Variants in NXPE4 observed in about 807,000 individuals in gnomAD.
The protein encoded by NXPE4 is neurexophilin and PC-esterase domain family member 4.
In NXPE4, 42 loss-of-function variants were observed where a neutral mutation model predicts 33.3. That is an observed-to-expected ratio of 1.26 (90% CI 0.98 to 1.63). NXPE4 has a LOEUF of 1.63. Among genes scored for constraint, NXPE4 ranks in the 40% most tolerant of loss-of-function variants. The pLI is 0.00. For missense variants in NXPE4, 709 were observed against 647.6 expected (o/e 1.09, Z -1.03); for synonymous variants, 253 against 234.9 (o/e 1.08, Z -0.71).
the NXPE4 span, among the ~76,000 whole-genome samples, chr11:114,625,594 T>C: frequency 2.6e-5 from 4 of 152,004 alleles, no homozygotes; most frequent in African/African-American, 9.7e-5. Context: ...ACCACTGTTA[T>C]CTGGTGGATA....
the NXPE4 span, among the ~76,000 whole-genome samples, chr11:114,639,825 T>TATATATTATATTAAATATAAAATATA: frequency 1.7e-5 from 2 of 116,824 alleles, no homozygotes; most frequent in African/African-American, 3.5e-5. Flanking sequence ...TAAAATATAA[T>TATATATTATATTAAATATAAAATATA]ATATATTATA....
At chr11:114,667,653 C>T in the NXPE4 span, among the ~76,000 whole-genome samples, 15 of 152,214 alleles carry the variant, frequency 9.9e-5, no homozygotes, top group South Asian at 6.2e-4. Flanking sequence ...ATCATGAGTA[C>T]GCTCAACAGT....
At chr11:114,674,842 G>A in the NXPE4 span, among the ~76,000 whole-genome samples, 3 of 151,598 alleles carry the variant, frequency 2.0e-5, no homozygotes, top group Non-Finnish European at 4.4e-5. Flanking sequence ...AGACAAGGAC[G>A]CTAGGAGAAA....
At chr11:114,581,332 G>A (rs1179246389) in intron 4 of NXPE4, among the ~76,000 whole-genome samples, 2 of 152,182 alleles carry the variant, frequency 1.3e-5, no homozygotes, top group East Asian at 3.9e-4. Context: ...CACTCAGATG[G>A]CAGGTTGGAA....
At chr11:114,594,840 C>G (rs866007174) in intron 1 of NXPE4, 71 bp from the exon 2 acceptor site, 1 of 828,158 alleles carries the variant, frequency 1.2e-6, no homozygotes, top group African/African-American at 1.7e-5. Context: ...ACATGGGAAA[C>G]ATTTGAAATT....
At chr11:114,675,746 T>C in the NXPE4 span, among the ~76,000 whole-genome samples, 1 of 151,860 alleles carries the variant, frequency 6.6e-6, no homozygotes, top group African/African-American at 2.4e-5. Flanking sequence ...ATAAAAGTAA[T>C]AATTCTGAAA....
chr11:114,672,408 G>A, the NXPE4 span, among the ~76,000 whole-genome samples: 1 of 151,540 alleles, frequency 6.6e-6, no homozygotes, highest in African/African-American at 2.4e-5. Context: ...AATCAGTAAA[G>A]GAAGAACAGA....
the NXPE4 span, among the ~76,000 whole-genome samples, chr11:114,623,095 G>T: frequency 3.3e-5 from 5 of 151,834 alleles, no homozygotes; most frequent in Non-Finnish European, 4.4e-5. Flanking sequence ...GATAATTAGC[G>T]TTGCCTGGCG....
intron 5 of NXPE4, among the ~76,000 whole-genome samples, chr11:114,576,811 A>G (rs1390071452): frequency 1.3e-5 from 2 of 151,824 alleles, no homozygotes; most frequent in African/African-American, 4.8e-5. Flanking sequence ...CAGATCTACC[A>G]TTTGATCCAG....
chr11:114,633,929 G>T, the NXPE4 span, among the ~76,000 whole-genome samples: 1 of 151,994 alleles, frequency 6.6e-6, no homozygotes, highest in African/African-American at 2.4e-5. Context: ...ACATATGTGT[G>T]CATGTGTCTT....
At chr11:114,613,755 G>A in the NXPE4 span, among the ~76,000 whole-genome samples, 1 of 151,918 alleles carries the variant, frequency 6.6e-6, no homozygotes, top group African/African-American at 2.4e-5. Flanking sequence ...GTTACCCGGT[G>A]GATAATAAGT....
the NXPE4 span, among the ~76,000 whole-genome samples, chr11:114,613,174 G>A: frequency 2.0e-5 from 3 of 151,624 alleles, no homozygotes; most frequent in South Asian, 2.1e-4. Context: ...TGGATAATTA[G>A]TGTTGCCTCT....
chr11:114,585,396 T>A (rs1591344227), intron 2 of NXPE4, among the ~76,000 whole-genome samples: 1 of 152,082 alleles, frequency 6.6e-6, no homozygotes, highest in Non-Finnish European at 1.5e-5. Context: ...TCACTTCAGC[T>A]TTAAGGACAC....
chr11:114,639,028 G>T, the NXPE4 span, among the ~76,000 whole-genome samples: 2 of 152,052 alleles, frequency 1.3e-5, no homozygotes, highest in East Asian at 3.9e-4. Flanking sequence ...GTTTGCAGAG[G>T]TTACTGCTGT....
the NXPE4 span, among the ~76,000 whole-genome samples, chr11:114,639,396 A>G: frequency 6.6e-6 from 1 of 151,818 alleles, no homozygotes; most frequent in Non-Finnish European, 1.5e-5. Flanking sequence ...TAGGAAAGGG[A>G]ACTCCCTGAC....
At chr11:114,668,431 C>T in the NXPE4 span, among the ~76,000 whole-genome samples, 3 of 151,644 alleles carry the variant, frequency 2.0e-5, no homozygotes, top group African/African-American at 7.3e-5. Context: ...CAGTAGATAA[C>T]TAATACACAG....
At chr11:114,603,444 A>T in the NXPE4 span, among the ~76,000 whole-genome samples, 2 of 82,086 alleles carry the variant, frequency 2.4e-5, no homozygotes, top group Non-Finnish European at 2.6e-5. Flanking sequence ...TCCTAGGTAA[A>T]TTCCATTACC....
the NXPE4 span, among the ~76,000 whole-genome samples, chr11:114,614,211 G>T: frequency 2.0e-5 from 3 of 151,578 alleles, no homozygotes; most frequent in Non-Finnish European, 4.4e-5. Flanking sequence ...AATGTTAATG[G>T]ATAATAAGTG....
chr11:114,638,654 C>A, the NXPE4 span, among the ~76,000 whole-genome samples: 1 of 152,010 alleles, frequency 6.6e-6, no homozygotes, highest in Non-Finnish European at 1.5e-5. Context: ...TGTGGATGTC[C>A]TTTCTGTTTG....
Sources: allele counts gnomAD v4.1 joint callset (sites outside exome capture counted in the v4.1 genomes callset), GRCh38; gene constraint gnomAD v4.1.1; transcripts MANE v1.5; gene names NCBI Gene and HGNC (gene_info 2026-07-23, HGNC 2026-07-21).